The following TMEM132D variants were observed in gnomAD, a reference collection of about 807,000 sequenced individuals.
The protein encoded by TMEM132D is transmembrane protein 132D, also known as mature OL transmembrane protein.
TMEM132D carries 21 observed loss-of-function variants against 62.3 expected under a neutral mutation model. That is an observed-to-expected ratio of 0.34 (90% CI 0.24 to 0.49). The LOEUF (loss-of-function observed/expected upper bound fraction) is 0.49, where lower values mean the gene tolerates loss of function less well. Ranked by LOEUF, TMEM132D falls within the 20% of genes least tolerant of loss-of-function variation. The probability of loss-of-function intolerance (pLI) is 0.99; values close to 1 mark genes in which losing one functional copy is unlikely to be tolerated. For missense variants in TMEM132D, 1,346 were observed against 1,402.8 expected (o/e 0.96, Z 0.65); for synonymous variants, 621 against 575.6 (o/e 1.08, Z -1.13).
chr12:129,722,862 C>A (rs1245704443), intron 1 of TMEM132D, among the ~76,000 whole-genome samples: 2 of 151,676 alleles, frequency 1.3e-5, no homozygotes, highest in African/African-American at 4.8e-5. Context: ...GCCTCAGCCT[C>A]CCGAGTATCT....
chr12:129,345,549 G>C (rs1479197020), intron 3 of TMEM132D, among the ~76,000 whole-genome samples: 1 of 152,174 alleles, frequency 6.6e-6, no homozygotes, highest in Non-Finnish European at 1.5e-5. Context: ...CCTCCTGCTG[G>C]AACTATGGGC....
intron 1 of TMEM132D, among the ~76,000 whole-genome samples, chr12:129,773,412 T>G (rs1870820362): frequency 6.6e-6 from 1 of 152,028 alleles, no homozygotes; most frequent in South Asian, 2.1e-4. Context: ...TGGTGGTGAT[T>G]TCAGTGGAAT....
chr12:129,331,329 A>G (rs1350945056), intron 4 of TMEM132D, among the ~76,000 whole-genome samples: 3 of 152,152 alleles, frequency 2.0e-5, no homozygotes, highest in African/African-American at 7.2e-5. Context: ...TCCTTATGCC[A>G]TTGTGAACGC....
At chr12:129,762,252 T>C (rs1223241267) in intron 1 of TMEM132D, among the ~76,000 whole-genome samples, 2 of 152,076 alleles carry the variant, frequency 1.3e-5, no homozygotes, top group African/African-American at 2.4e-5. Flanking sequence ...AGGGAAGGGA[T>C]GGATATGTGA....
intron 5 of TMEM132D, among the ~76,000 whole-genome samples, chr12:129,092,147 T>C (rs145499866): frequency 0.01 from 1,567 of 152,322 alleles, 23 homozygotes; most frequent in African/African-American, 0.036. Context: ...TATAGGGATA[T>C]AGTTAATATT....
At chr12:129,414,477 T>C (rs1460824481) in intron 3 of TMEM132D, among the ~76,000 whole-genome samples, 1 of 152,122 alleles carries the variant, frequency 6.6e-6, no homozygotes, top group Non-Finnish European at 1.5e-5. Flanking sequence ...AAATAAAAAT[T>C]GTATATATTT....
intron 2 of TMEM132D, among the ~76,000 whole-genome samples, chr12:129,645,580 T>C (rs991167357): frequency 2.6e-5 from 4 of 152,212 alleles, no homozygotes; most frequent in Non-Finnish European, 4.4e-5. Context: ...TCAATCAATG[T>C]ATTTTTAACT....
chr12:129,808,527 T>C (rs1872069007), intron 1 of TMEM132D, among the ~76,000 whole-genome samples: 1 of 152,182 alleles, frequency 6.6e-6, no homozygotes, highest in African/African-American at 2.4e-5. Flanking sequence ...AAGGATAAAG[T>C]GTACAAGGAA....
At chr12:129,583,681 C>T (rs901254583) in intron 2 of TMEM132D, among the ~76,000 whole-genome samples, 1 of 152,082 alleles carries the variant, frequency 6.6e-6, no homozygotes, top group Non-Finnish European at 1.5e-5. Flanking sequence ...GAGAAAGACC[C>T]GTGGGGGGTG....
chr12:129,092,307 T>TTTC (rs1379456639), intron 5 of TMEM132D, among the ~76,000 whole-genome samples: 2 of 150,762 alleles, frequency 1.3e-5, no homozygotes, highest in African/African-American at 4.9e-5. Flanking sequence ...TCTTTCCTTT[T>TTTC]TTTTTTTTTT....
intron 3 of TMEM132D, among the ~76,000 whole-genome samples, chr12:129,474,910 A>G (rs1432410986): frequency 6.6e-6 from 1 of 152,198 alleles, no homozygotes; most frequent in Non-Finnish European, 1.5e-5. Flanking sequence ...GATGCACAGA[A>G]GGCTGGGGCT....
intron 5 of TMEM132D, among the ~76,000 whole-genome samples, chr12:129,125,642 C>A (rs1255691140): frequency 1.3e-5 from 2 of 151,518 alleles, no homozygotes; most frequent in African/African-American, 4.8e-5. Flanking sequence ...TGTGTACAAA[C>A]ATGTTTGGTC....
At chr12:129,105,310 G>A (rs1304440579) in intron 5 of TMEM132D, among the ~76,000 whole-genome samples, 4 of 144,080 alleles carry the variant, frequency 2.8e-5, no homozygotes, top group African/African-American at 5.4e-5. Flanking sequence ...ACCAAACACC[G>A]CATATTCTCA....
intron 5 of TMEM132D, among the ~76,000 whole-genome samples, chr12:129,126,602 G>T (rs1432445987): frequency 1.3e-5 from 2 of 152,142 alleles, no homozygotes; most frequent in Non-Finnish European, 2.9e-5. Context: ...GTGCCATCAG[G>T]GTGGGGGGTG....
chr12:129,507,336 T>C (rs1875364846), intron 3 of TMEM132D, among the ~76,000 whole-genome samples: 1 of 152,206 alleles, frequency 6.6e-6, no homozygotes, highest in Admixed American at 6.5e-5. Context: ...GAACTACCAT[T>C]TGATCCAGCA....
chr12:129,655,953 C>T (rs1038493290), intron 2 of TMEM132D, among the ~76,000 whole-genome samples: 16 of 152,298 alleles, frequency 1.1e-4, no homozygotes, highest in East Asian at 3.9e-4. Flanking sequence ...CCAAACTTCT[C>T]TTTCGGTTCC....
At chr12:129,116,946 A>T (rs1337394872) in intron 5 of TMEM132D, among the ~76,000 whole-genome samples, 1 of 134,594 alleles carries the variant, frequency 7.4e-6, no homozygotes, top group African/African-American at 2.7e-5. Context: ...AAAAAAAAAA[A>T]ATCTGTACGT....
intron 1 of TMEM132D, among the ~76,000 whole-genome samples, chr12:129,755,317 A>C (rs1870130381): frequency 6.6e-6 from 1 of 152,248 alleles, no homozygotes; most frequent in Non-Finnish European, 1.5e-5. Context: ...TTAATGAATA[A>C]GGTGCATAAA....
chr12:129,709,807 A>G (rs1327838280), intron 1 of TMEM132D, among the ~76,000 whole-genome samples: 1 of 152,240 alleles, frequency 6.6e-6, no homozygotes, highest in Non-Finnish European at 1.5e-5. Context: ...TAACACAAAA[A>G]TGTATATCAT....
Sources: allele counts gnomAD v4.1 joint callset (sites outside exome capture counted in the v4.1 genomes callset), GRCh38; gene constraint gnomAD v4.1.1; transcripts MANE v1.5; gene names NCBI Gene and HGNC (gene_info 2026-07-23, HGNC 2026-07-21).